ESRRB: variants seen among roughly 807,000 people sequenced by gnomAD.
ESRRB encodes steroid hormone receptor ERR2.
In ESRRB, 16 loss-of-function variants were observed where a neutral mutation model predicts 46.0. That is an observed-to-expected ratio of 0.35 (90% CI 0.24 to 0.53). ESRRB has a LOEUF of 0.53. ESRRB is among the 20% of genes least tolerant of loss of function. ESRRB has a pLI of 0.93. For missense variants in ESRRB, 488 were observed against 607.4 expected, an observed-to-expected ratio of 0.80 and a Z score of 2.07; for synonymous variants, 246 against 259.6, an observed-to-expected ratio of 0.95 and a Z score of 0.50.
chr14:76,481,474 C>A (rs1310553698), intron 3 of ESRRB, among the ~76,000 whole-genome samples: 1 of 152,194 alleles, frequency 6.6e-6, no homozygotes, highest in Non-Finnish European at 1.5e-5. Flanking sequence ...CTGTTGCATT[C>A]CCATCCCCTG....
At chr14:76,317,698 C>T (rs375024212) in intron 1 of ESRRB, among the ~76,000 whole-genome samples, 5 of 152,274 alleles carry the variant, frequency 3.3e-5, no homozygotes, top group Non-Finnish European at 7.4e-5. Context: ...TGGAAGGAGG[C>T]GGGTACCAGG....
intron 2 of ESRRB, among the ~76,000 whole-genome samples, chr14:76,447,846 G>A (rs970038350): frequency 3.3e-5 from 5 of 151,958 alleles, no homozygotes; most frequent in South Asian, 2.1e-4. Context: ...GACTCCCACC[G>A]CTTCCTACCT....
intron 1 of ESRRB, among the ~76,000 whole-genome samples, chr14:76,346,979 G>A (rs943336547): frequency 7.2e-5 from 11 of 152,202 alleles, no homozygotes; most frequent in African/African-American, 2.7e-4. Context: ...TCACAGGCAC[G>A]TGCTTATGCA....
At chr14:76,346,782 G>T (rs531515702) in intron 1 of ESRRB, among the ~76,000 whole-genome samples, 1 of 152,364 alleles carries the variant, frequency 6.6e-6, no homozygotes, top group South Asian at 2.1e-4. Context: ...CAAGGTCTGA[G>T]AGGTGTGCCC....
intron 5 of ESRRB, among the ~76,000 whole-genome samples, chr14:76,488,800 A>C (rs1890111354): frequency 6.6e-6 from 1 of 150,926 alleles, no homozygotes; most frequent in African/African-American, 2.4e-5. Flanking sequence ...GCCTCCCCAG[A>C]CTCTTGTTTG....
At chr14:76,450,241 G>A (rs1007008540) in intron 2 of ESRRB, among the ~76,000 whole-genome samples, 1 of 152,136 alleles carries the variant, frequency 6.6e-6, no homozygotes, top group South Asian at 2.1e-4. Context: ...TGGGACCAGC[G>A]TTCCAGGCAG....
At chr14:76,373,867 T>C (rs903809573), upstream of ESRRB, among the ~76,000 whole-genome samples, 1 of 152,250 alleles carries the variant, frequency 6.6e-6, no homozygotes, top group Non-Finnish European at 1.5e-5. Flanking sequence ...TAGCCTAGTG[T>C]TCTAACCAAT....
At chr14:76,427,562 T>C (rs1367758421) in intron 1 of ESRRB, among the ~76,000 whole-genome samples, 1 of 152,076 alleles carries the variant, frequency 6.6e-6, no homozygotes, top group Admixed American at 6.6e-5. Flanking sequence ...GGTGGGAAGA[T>C]GCATGGATGG....
At chr14:76,390,510 C>CA (rs758201061) in intron 1 of ESRRB, among the ~76,000 whole-genome samples, 1 of 151,944 alleles carries the variant, frequency 6.6e-6, no homozygotes, top group African/African-American at 2.4e-5. Flanking sequence ...AACAAACAAA[C>CA]AAAAAAAGAT....
intron 6 of ESRRB, among the ~76,000 whole-genome samples, chr14:76,495,123 CA>C (rs972188828): frequency 6.6e-6 from 1 of 152,132 alleles, no homozygotes; most frequent in African/African-American, 2.4e-5. Flanking sequence ...CACATACCCA[CA>C]TATGCAGCCA....
At chr14:76,424,156 A>G (rs1887097733) in intron 1 of ESRRB, among the ~76,000 whole-genome samples, 1 of 152,170 alleles carries the variant, frequency 6.6e-6, no homozygotes, top group Non-Finnish European at 1.5e-5. Context: ...GTTGCAAGGA[A>G]TCAGTGATTT....
At chr14:76,481,874 G>A in intron 3 of ESRRB, 142 bp from the exon 4 acceptor site, 1 of 762,986 alleles carries the variant, frequency 1.3e-6, no homozygotes, top group Non-Finnish European at 2.3e-6. Context: ...CACCTGGCCT[G>A]AGGCTGGCCG....
chr14:76,312,163 A>G (rs1163407858), intron 1 of ESRRB, among the ~76,000 whole-genome samples: 1 of 152,156 alleles, frequency 6.6e-6, no homozygotes, highest in East Asian at 1.9e-4. Context: ...CAACAATTTA[A>G]AAGCATTAAA....
At chr14:76,400,250 T>C (rs1885881847) in intron 1 of ESRRB, among the ~76,000 whole-genome samples, 1 of 152,196 alleles carries the variant, frequency 6.6e-6, no homozygotes, top group African/African-American at 2.4e-5. Context: ...GGAAAACTTC[T>C]AGAGAAGCCA....
chr14:76,386,375 C>G (rs1351250631), intron 1 of ESRRB, among the ~76,000 whole-genome samples: 1 of 151,816 alleles, frequency 6.6e-6, no homozygotes, highest in Non-Finnish European at 1.5e-5. Context: ...TTAAAATAGT[C>G]TGATAAGAAA....
intron 2 of ESRRB, among the ~76,000 whole-genome samples, chr14:76,459,050 G>C (rs113651131): frequency 0.17 from 25,909 of 151,902 alleles, 2,308 homozygotes; most frequent in Middle Eastern, 0.24. Flanking sequence ...TCACCATGTT[G>C]GCCAGGCTGG....
intron 1 of ESRRB, among the ~76,000 whole-genome samples, chr14:76,343,604 G>T (rs1039334279): frequency 4.6e-5 from 7 of 152,208 alleles, no homozygotes; most frequent in Non-Finnish European, 5.9e-5. Context: ...TCAGTCGAGG[G>T]GACTGTCAGC....
upstream of ESRRB, among the ~76,000 whole-genome samples, chr14:76,372,982 T>C (rs543721005): frequency 6.6e-4 from 100 of 152,346 alleles, no homozygotes; most frequent in African/African-American, 2.3e-3. Context: ...TTTACAAATT[T>C]CCTTTGTCAA....
At chr14:76,344,847 CAAA>C (rs563442204) in intron 1 of ESRRB, among the ~76,000 whole-genome samples, 3 of 114,932 alleles carry the variant, frequency 2.6e-5, no homozygotes. Context: ...GACTCCATCT[CAAA>C]AAAAAAAAAA....
Sources: allele counts gnomAD v4.1 joint callset (sites outside exome capture counted in the v4.1 genomes callset), GRCh38; gene constraint gnomAD v4.1.1; transcripts MANE v1.5; gene names NCBI Gene and HGNC (gene_info 2026-07-23, HGNC 2026-07-21).